TMEM70: variants seen among roughly 807,000 people sequenced by gnomAD.
The protein encoded by TMEM70 is transmembrane protein 70, mitochondrial.
A neutral mutation model predicts 20.5 loss-of-function variants in TMEM70; 15 were observed. The observed-to-expected ratio is 0.73, with a 90% CI of 0.49 to 1.13. The LOEUF (loss-of-function observed/expected upper bound fraction) is 1.13. Among genes scored for constraint, TMEM70 ranks in the 50% most tolerant of loss-of-function variants. The pLI is 0.00. For missense variants in TMEM70, 344 were observed against 331.7 expected, an observed-to-expected ratio of 1.04 and a Z score of -0.29; for synonymous variants, 141 against 134.2, an observed-to-expected ratio of 1.05 and a Z score of -0.35.
intron 2 of TMEM70, among the ~76,000 whole-genome samples, chr8:73,980,214 C>G (rs1204411495): frequency 6.6e-6 from 1 of 152,060 alleles, no homozygotes; most frequent in African/African-American, 2.4e-5. Flanking sequence ...TCAGCACCCC[C>G]AGTAGCTGGG....
At position 73,976,471 on chromosome 8, in the gene TMEM70, C is replaced by T. The variant is rs1161113911; in HGVS notation, c.190C>T (p.Arg64Trp). Residue 64 changes from arginine (R) to tryptophan (W), a missense_variant, in exon 1 of 3, where the codon CGG becomes TGG. Transcript: ENST00000312184. ...TGPSGAARLL[R>W]RPGRAQIPVY... ...GCCTTCGGGAGCCGCGCGCCTTCTC[C>T]GGCGTCCGGGTCGAGCGCAGGTAGG... The T allele has an allele frequency of 5.2e-6, 8 of 1,542,700 alleles. No homozygotes were observed. Among genetic ancestry groups the T allele is most frequent in the Non-Finnish European group, 7.0e-6 (8 of 1,150,580 alleles).
chr8:73,981,508 G>C lies in TMEM70; in HGVS notation c.670G>C (p.Val224Leu). Residue 224 changes from valine (V) to leucine (L), a missense_variant, in exon 3 of 3, where the codon GTG (valine) becomes CTG (leucine). Val to Leu is a conservative substitution (Grantham distance 32). Coordinates refer to ENST00000312184, the MANE Select transcript of TMEM70 (RefSeq NM_017866.6). The part of the protein sequence containing the change: ...AKTKSLLVNP[V>L]LFPNREDYIH... ...AACAAAATCACTGTTAGTTAATCCAGTGCTCTTTCCAAACCGTGAAGACTA... is the reference window on the plus strand; with the variant it reads ...AACAAAATCACTGTTAGTTAATCCACTGCTCTTTCCAAACCGTGAAGACTA... The C allele has an allele frequency of 6.2e-7, 1 of 1,613,918 alleles. No individual in the cohort carries two copies. Among genetic ancestry groups the C allele is most frequent in the Non-Finnish European group, 8.5e-7 (1 of 1,179,868 alleles).
At position 73,982,126 on chromosome 8, in the gene TMEM70, T is replaced by C. The variant is rs1586637650; in HGVS notation, c.*505T>C. The C allele has an allele frequency of 2.0e-6, 1 of 508,522 alleles. No individual in the cohort carries two copies. The highest frequency in any genetic ancestry group is 6.4e-4 in the Middle Eastern group (1 of 1,572). The allele number at this position is 508,522 out of a possible 1,614,324, so 31.5% of individuals were successfully genotyped here. ...TGGCTAGGAAGCCTTGCAGCAGCCATGGCTTTTAAACATACCAGAAAAACA... is the reference window on the plus strand; with the variant it reads ...TGGCTAGGAAGCCTTGCAGCAGCCACGGCTTTTAAACATACCAGAAAAACA... On this transcript the variant is annotated 3_prime_UTR_variant, in exon 3 of 3. Transcript: ENST00000312184.
Position 73,981,373 on chromosome 8 carries a change from T to C in TMEM70, c.535T>C (p.Tyr179His). Residue 179 changes from tyrosine to histidine, a missense_variant, in exon 3 of 3, where the codon TAT (tyrosine) becomes CAT (histidine). By Grantham distance (83) the Tyr-to-His change is moderately conservative (BLOSUM62 2). Coordinates refer to ENST00000312184, the MANE Select transcript of TMEM70 (RefSeq NM_017866.6). ...GTACCATGAGGCCACAACAGACACTTATAAAGCCATTACCTACAATGCTAT... is the reference window on the plus strand; with the variant it reads ...GTACCATGAGGCCACAACAGACACTCATAAAGCCATTACCTACAATGCTAT... Reference protein sequence around the residue: ...RLYHEATTDTYKAITYNAMLA... With the variant: ...RLYHEATTDTHKAITYNAMLA... 6.2e-7 allele frequency: 1 copy of C among 1,614,204 alleles called. No homozygotes were observed. Among genetic ancestry groups the C allele is most frequent in the Non-Finnish European group, 8.5e-7 (1 of 1,180,030 alleles).
intron 2 of TMEM70, among the ~76,000 whole-genome samples, chr8:73,979,840 G>C (rs567132883): frequency 6.6e-6 from 1 of 152,090 alleles, no homozygotes; most frequent in African/African-American, 2.4e-5. Context: ...AGTGATGCCA[G>C]TGTTAAGTTC....
Position 73,981,506 on chromosome 8 carries a change from C to T in TMEM70, c.668C>T (p.Pro223Leu). The change falls in exon 3 of 3, where the codon CCA becomes CTA. Residue 223 changes from proline to leucine, a missense_variant. Transcript: ENST00000312184. Reference protein sequence around the residue: ...YAKTKSLLVNPVLFPNREDYI... With the variant: ...YAKTKSLLVNLVLFPNREDYI... ...AAAACAAAATCACTGTTAGTTAATCCAGTGCTCTTTCCAAACCGTGAAGAC... is the reference window on the plus strand; with the variant it reads ...AAAACAAAATCACTGTTAGTTAATCTAGTGCTCTTTCCAAACCGTGAAGAC... The T allele has an allele frequency of 1.2e-6, 2 of 1,613,766 alleles. No individual in the cohort carries two copies. Among genetic ancestry groups the T allele is most frequent in the Non-Finnish European group, 1.7e-6 (2 of 1,179,744 alleles).
Position 73,981,807 on chromosome 8 carries a change from T to C in TMEM70, c.*186T>C. The stretch of plus-strand genomic sequence containing the variant: ...TATGTTTGAAAACCAAAATGTAGTA[T>C]CTACCATTCGTGTTTTAGAAAGGTA... On this transcript the variant is annotated 3_prime_UTR_variant, in exon 3 of 3. Coordinates refer to ENST00000312184, the MANE Select transcript of TMEM70 (RefSeq NM_017866.6). The C allele has an allele frequency of 1.5e-6, 1 of 686,876 alleles. No individual in the cohort carries two copies. 42.5% of individuals were successfully genotyped at this position (686,876 alleles called of 1,614,324 possible).
chr8:73,977,888 T>G (rs895274777), intron 1 of TMEM70, among the ~76,000 whole-genome samples: 1 of 152,152 alleles, frequency 6.6e-6, no homozygotes, highest in Non-Finnish European at 1.5e-5. Context: ...ACTGTTACTA[T>G]TTTTACTTGT....
At chr8:73,978,389 C>A (rs1815705050) in intron 1 of TMEM70, among the ~76,000 whole-genome samples, 1 of 145,214 alleles carries the variant, frequency 6.9e-6, no homozygotes, top group Non-Finnish European at 1.5e-5. Context: ...ACCTGCATTA[C>A]AATTTTAAAA....
At chr8:73,978,969 G>T in intron 2 of TMEM70, 108 bp downstream of exon 2, 3 of 1,340,666 alleles carry the variant, frequency 2.2e-6, no homozygotes, top group African/African-American at 1.5e-5. Context: ...ATTACAAGAC[G>T]TAAGGAAAAT....
At chr8:73,979,895 A>T (rs571592457) in intron 2 of TMEM70, among the ~76,000 whole-genome samples, 7 of 152,072 alleles carry the variant, frequency 4.6e-5, no homozygotes, top group Admixed American at 1.3e-4. Context: ...ATTAAAAAAA[A>T]TTTTTTTTGT....
chr8:73,978,506 A>G (rs1024538227), intron 1 of TMEM70, among the ~76,000 whole-genome samples: 18 of 147,788 alleles, frequency 1.2e-4, no homozygotes, highest in African/African-American at 4.4e-4. Flanking sequence ...TCTGGCCAAC[A>G]TGGTGAAACC....
chr8:73,977,440 G>A (rs1815680696), intron 1 of TMEM70, among the ~76,000 whole-genome samples: 1 of 151,812 alleles, frequency 6.6e-6, no homozygotes, highest in African/African-American at 2.4e-5. Flanking sequence ...CTCCTGCCTC[G>A]GCCTGTCAAA....
In TMEM70 at chr8:73,982,774, G is replaced by T. The variant is rs181595554; in HGVS notation, c.*1153G>T. On this transcript the variant is annotated 3_prime_UTR_variant, in exon 3 of 3. Coordinates refer to ENST00000312184, the MANE Select transcript of TMEM70 (RefSeq NM_017866.6). The stretch of plus-strand genomic sequence containing the variant: ...TAGGAAAACCACTGTTATTAAACAG[G>T]TGAAAAATACCTTGTGTAAAATTGC... The T allele has an allele frequency of 3.6e-5, 16 of 449,812 alleles. No homozygotes were observed. Among genetic ancestry groups the T allele is most frequent in the African/African-American group, 2.4e-4 (12 of 49,970 alleles). 27.9% of individuals were successfully genotyped at this position (449,812 alleles called of 1,614,324 possible).
chr8:73,978,240 C>T (rs1815701047), intron 1 of TMEM70, among the ~76,000 whole-genome samples: 1 of 151,768 alleles, frequency 6.6e-6, no homozygotes, highest in South Asian at 2.1e-4. Context: ...CGCCAGACAC[C>T]ATGCCCGGCT....
chr8:73,978,929 A>C (rs75674446), intron 2 of TMEM70, 68 bp downstream of exon 2: 2 of 1,573,226 alleles, frequency 1.3e-6, no homozygotes, highest in Non-Finnish European at 1.7e-6. Context: ...TATCCTTACC[A>C]TATCTTACTT....
In TMEM70 at chr8:73,982,425, T is replaced by C. The variant is rs748611936; in HGVS notation, c.*804T>C. 2.5e-6 allele frequency: 2 copies of C among 804,320 alleles called. No homozygotes were observed. The highest frequency in any genetic ancestry group is 2.6e-5 in the South Asian group (2 of 76,242). The allele number at this position is 804,320 out of a possible 1,614,324, so 49.8% of individuals were successfully genotyped here. A position where few individuals can be genotyped will look rare whatever the true frequency, so the allele number is the denominator to read the frequency against. ...CAGATAGTTAAGCAGATTACTTCCA[T>C]CAGTATTGAGCCAGGAGTTGAGATG... On this transcript the variant is annotated 3_prime_UTR_variant, in exon 3 of 3. Coordinates refer to ENST00000312184, the MANE Select transcript of TMEM70 (RefSeq NM_017866.6).
Position 73,976,196 on chromosome 8 carries a change from C to G in TMEM70, c.-86C>G, listed in dbSNP as rs774839877. The G allele has an allele frequency of 7.5e-7, 1 of 1,328,070 alleles. No individual in the cohort carries two copies. Among genetic ancestry groups the G allele is most frequent in the Non-Finnish European group, 1.0e-6 (1 of 954,230 alleles). The allele number at this position is 1,328,070 out of a possible 1,614,324, so 82.3% of individuals were successfully genotyped here. On this transcript the variant is annotated 5_prime_UTR_variant, in exon 1 of 3. Transcript: ENST00000312184. The stretch of plus-strand genomic sequence containing the variant: ...GGCGTCCCGGGCTGGGCATGCGCCA[C>G]TTGTGCGGCAGTCGGGTGGGAAGCC...
rs757460663 is a variant in TMEM70, at chr8:73,976,358, C to T, written c.77C>T (p.Ala26Val). ...GGAAGGAGGACTGCATTGTGTGCGG[C>T]CGCCGCGCTCCGAGGTCCCCGGGCC... ...LCGRRTALCA[A>V]AALRGPRASV... Residue 26 changes from alanine (A) to valine (V), a missense_variant, in exon 1 of 3, where the codon GCC (alanine) becomes GTC (valine). Physicochemically the swap from Ala to Val is moderately conservative, Grantham distance 64. Coordinates refer to ENST00000312184, the MANE Select transcript of TMEM70 (RefSeq NM_017866.6). The T allele has an allele frequency of 1.9e-6, 3 of 1,598,742 alleles. No homozygotes were observed. The highest frequency in any genetic ancestry group is 4.5e-5 in the East Asian group (2 of 44,808).
Sources: gnomAD v4.1 joint callset for allele counts (sites outside exome capture counted in the v4.1 genomes callset) on GRCh38, gnomAD v4.1.1 for gene constraint, MANE v1.5 for transcripts, NCBI Gene and HGNC (gene_info 2026-07-23, HGNC 2026-07-21) for gene names.